GTPBP10: variants seen among roughly 807,000 people sequenced by gnomAD.
GTPBP10 encodes GTP binding protein 10, also known as GTP-binding protein 10.
A neutral mutation model predicts 44.8 loss-of-function variants in GTPBP10; 38 were observed. The ratio of observed to expected loss-of-function variants is 0.85; its 90% CI spans 0.65 to 1.11. The LOEUF is 1.11. GTPBP10 is among the 50% of genes most tolerant of loss of function. The probability of loss-of-function intolerance (pLI) is 0.00; values close to 1 mark genes in which losing one functional copy is unlikely to be tolerated. For synonymous variants in GTPBP10, 152 were observed against 150.6 expected (o/e 1.01, Z -0.07); for missense variants, 462 against 453.7 (o/e 1.02, Z -0.17).
chr7:90,384,193 GC>G (rs1273968618), intron 9 of GTPBP10, among the ~76,000 whole-genome samples: 2 of 152,136 alleles, frequency 1.3e-5, no homozygotes, highest in African/African-American at 4.8e-5. Context: ...TTTCTTCGGG[GC>G]TTTTGAATCT....
intron 8 of GTPBP10, among the ~76,000 whole-genome samples, chr7:90,382,043 A>G (rs1470141540): frequency 4.6e-5 from 7 of 152,190 alleles, no homozygotes; most frequent in Admixed American, 6.6e-5. Context: ...ACAAAAAGAA[A>G]AATAGACAAG....
Position 90,377,562 on chromosome 7 carries a change from T to C in GTPBP10, c.647T>C (p.Met216Thr), listed in dbSNP as rs764183570. The C allele has an allele frequency of 6.2e-7, 1 of 1,611,586 alleles. No individual in the cohort carries two copies. The highest frequency in any genetic ancestry group is 2.2e-5 in the East Asian group (1 of 44,682). Residue 216 changes from methionine (M) to threonine (T), a missense_variant, in exon 7 of 10, where the codon ATG (methionine) becomes ACG (threonine). Coordinates refer to ENST00000222511, the MANE Select transcript of GTPBP10 (RefSeq NM_033107.4). ...LIEGAHMNKG[M>T]GHKFLKHIER... The stretch of plus-strand genomic sequence containing the variant: ...GAAGGAGCACATATGAACAAAGGAA[T>C]GGGCCACAAATTCCTCAAGCATATA...
chr7:90,347,786 A>G (rs1230906608), intron 1 of GTPBP10, among the ~76,000 whole-genome samples: 1 of 152,250 alleles, frequency 6.6e-6, no homozygotes, highest in African/African-American at 2.4e-5. Context: ...GACGTTAGAA[A>G]ATATGACGTT....
chr7:90,380,681 A>G (rs981184715), intron 8 of GTPBP10, among the ~76,000 whole-genome samples: 1 of 152,154 alleles, frequency 6.6e-6, no homozygotes, highest in African/African-American at 2.4e-5. Context: ...CTGTTTTAGC[A>G]ATTTTCAAAT....
intron 4 of GTPBP10, among the ~76,000 whole-genome samples, chr7:90,367,407 G>T (rs1323777400): frequency 6.6e-6 from 1 of 152,186 alleles, no homozygotes. Flanking sequence ...ATTATTGTGT[G>T]GGAGTCTAAG....
intron 4 of GTPBP10, among the ~76,000 whole-genome samples, chr7:90,365,996 G>A (rs767501942): frequency 7.2e-5 from 11 of 152,144 alleles, no homozygotes; most frequent in Admixed American, 2.0e-4. Flanking sequence ...TTTCTCGAAG[G>A]CCTTTTCTGC....
intron 9 of GTPBP10, chr7:90,383,914 C>T (rs1796475888): frequency 6.6e-6 from 1 of 152,212 alleles, no homozygotes; most frequent in African/African-American, 2.4e-5. Flanking sequence ...AAAAATCTTT[C>T]CCCTGTGTAA....
intron 5 of GTPBP10, among the ~76,000 whole-genome samples, chr7:90,373,641 A>G (rs1005477364): frequency 3.3e-5 from 5 of 152,054 alleles, no homozygotes; most frequent in African/African-American, 7.3e-5. Flanking sequence ...AAGGATAACA[A>G]TGAGAAGGAA....
At chr7:90,348,294 G>A (rs1390405816) in intron 1 of GTPBP10, among the ~76,000 whole-genome samples, 1 of 152,112 alleles carries the variant, frequency 6.6e-6, no homozygotes, top group East Asian at 1.9e-4. Flanking sequence ...AAGAACATGG[G>A]GGTTAGAGAT....
intron 4 of GTPBP10, among the ~76,000 whole-genome samples, chr7:90,359,179 T>C (rs1795964732): frequency 6.6e-6 from 1 of 152,136 alleles, no homozygotes; most frequent in Non-Finnish European, 1.5e-5. Context: ...CTTTAAGTTC[T>C]AGGGTATGCA....
intron 8 of GTPBP10, among the ~76,000 whole-genome samples, chr7:90,379,859 A>T (rs1796404180): frequency 6.6e-6 from 1 of 152,308 alleles, no homozygotes; most frequent in African/African-American, 2.4e-5. Flanking sequence ...TACTTTAGTC[A>T]TCCTAGTGGG....
intron 8 of GTPBP10, among the ~76,000 whole-genome samples, chr7:90,381,290 A>G (rs569803157): frequency 3.9e-4 from 60 of 152,142 alleles, no homozygotes; most frequent in Non-Finnish European, 6.3e-4. Context: ...ATCCTTGACA[A>G]CACTTGTTAT....
intron 6 of GTPBP10, among the ~76,000 whole-genome samples, chr7:90,376,158 C>T (rs765052534): frequency 6.7e-6 from 1 of 149,456 alleles, no homozygotes; most frequent in Non-Finnish European, 1.5e-5. Context: ...TGGCGTGAAC[C>T]TGGGAGGTGG....
intron 1 of GTPBP10, among the ~76,000 whole-genome samples, chr7:90,350,624 G>T (rs1351077325): frequency 6.6e-6 from 1 of 152,152 alleles, no homozygotes; most frequent in Non-Finnish European, 1.5e-5. Context: ...ATTAGTCTAT[G>T]TTTTTAAAAT....
At chr7:90,372,482 CT>C (rs757973599) in intron 5 of GTPBP10, among the ~76,000 whole-genome samples, 159 of 112,120 alleles carry the variant, frequency 1.4e-3, no homozygotes, top group Admixed American at 1.5e-3. Flanking sequence ...GCTTGGCTAA[CT>C]TTTTTTTTTT....
At chr7:90,379,548 G>A (rs968759339) in intron 8 of GTPBP10, among the ~76,000 whole-genome samples, 4 of 152,160 alleles carry the variant, frequency 2.6e-5, no homozygotes, top group African/African-American at 9.7e-5. Context: ...AGACAACATG[G>A]TATTGCCTTA....
At chr7:90,377,480 T>C in intron 6 of GTPBP10, 27 bp from the exon 7 acceptor site, 1 of 1,493,568 alleles carries the variant, frequency 6.7e-7, no homozygotes, top group Non-Finnish European at 9.1e-7. Context: ...ATTTTCCTTT[T>C]TCATTAACCA....
rs540561724 is a variant in GTPBP10, at chr7:90,363,914, C to T, written c.465-8241C>T. On this transcript the variant is annotated intron_variant, in intron 4 of 9. Coordinates refer to ENST00000222511, the MANE Select transcript of GTPBP10 (RefSeq NM_033107.4). ...CTTCAGTCACTGATACCCTTTCTTC[C>T]AGTTGATCAAATCAGCTACTGAAGC... is the stretch of plus-strand genomic sequence containing the variant. 1.2e-4 allele frequency among the ~76,000 whole-genome samples: 18 copies of T among 152,270 alleles called. No individual in the cohort carries two copies. In the East Asian group the frequency reaches 3.3e-3, roughly 28 times the overall value.
At chr7:90,360,423 C>G (rs371099746) in intron 4 of GTPBP10, among the ~76,000 whole-genome samples, 1 of 152,094 alleles carries the variant, frequency 6.6e-6, no homozygotes, top group Non-Finnish European at 1.5e-5. Context: ...TTGTTTTTGT[C>G]AGGTTTGTCA....
Sources: gnomAD v4.1 joint callset for allele counts (sites outside exome capture counted in the v4.1 genomes callset) on GRCh38, gnomAD v4.1.1 for gene constraint, MANE v1.5 for transcripts, NCBI Gene and HGNC (gene_info 2026-07-23, HGNC 2026-07-21) for gene names.